The following PAPPA variants were observed in gnomAD, a reference collection of about 807,000 sequenced individuals.
The protein encoded by PAPPA is pappalysin-1.
In PAPPA, 60 loss-of-function variants were observed where a neutral mutation model predicts 164.0. That is an observed-to-expected ratio of 0.37 (90% confidence interval 0.30 to 0.45). The LOEUF (loss-of-function observed/expected upper bound fraction) is 0.45, where lower values mean the gene tolerates loss of function less well. Among genes scored for constraint, PAPPA ranks in the 20% least tolerant of loss-of-function variants. PAPPA has a pLI of 1.00. For missense variants in PAPPA, 1,782 were observed against 2,087.3 expected (o/e 0.85, Z 2.85); for synonymous variants, 875 against 814.1 (o/e 1.07, Z -1.27).
At chr9:116,396,354 A>G (rs1846962787) in intron 21 of PAPPA, among the ~76,000 whole-genome samples, 155 bp from the exon 22 acceptor site, 1 of 152,224 alleles carries the variant, frequency 6.6e-6, no homozygotes, top group Non-Finnish European at 1.5e-5. Context: ...GGTGTGCTCG[A>G]TAAAAGTTAT....
chr9:116,197,942 A>G (rs1844126743), intron 2 of PAPPA, among the ~76,000 whole-genome samples: 1 of 152,238 alleles, frequency 6.6e-6, no homozygotes, highest in African/African-American at 2.4e-5. Context: ...CTACATGGCT[A>G]AAGTCTAGAG....
intron 7 of PAPPA, among the ~76,000 whole-genome samples, chr9:116,254,918 T>C (rs1436724246): frequency 6.6e-6 from 1 of 151,940 alleles, no homozygotes; most frequent in East Asian, 1.9e-4. Flanking sequence ...TCTAATTTGC[T>C]ATAATAAGCA....
intron 1 of PAPPA, among the ~76,000 whole-genome samples, chr9:116,162,332 CAT>C (rs1451382092): frequency 1.3e-5 from 2 of 152,156 alleles, no homozygotes; most frequent in African/African-American, 4.8e-5. Context: ...TACACACACA[CAT>C]ACTCATATAC....
intron 10 of PAPPA, among the ~76,000 whole-genome samples, chr9:116,328,827 G>A (rs370194484): frequency 3.3e-5 from 5 of 152,200 alleles, no homozygotes; most frequent in South Asian, 4.2e-4. Flanking sequence ...CCCAACATTC[G>A]GATGTGCAAG....
At position 116,362,579 on chromosome 9, in the gene PAPPA, C is replaced by T. The variant is rs368193428; in HGVS notation, c.4348-13C>T. 3 of 1,611,118 alleles carry T rather than the reference C, an allele frequency of 1.9e-6. No homozygotes were observed. The highest frequency in any genetic ancestry group is 2.5e-6 in the Non-Finnish European group (3 of 1,178,558). ...GTCTCTCTTGGTCCTAACTCTGTTTCTCTGTTGTTCAGGGACTTGGGAGCA... is the reference window on the plus strand; with the variant it reads ...GTCTCTCTTGGTCCTAACTCTGTTTTTCTGTTGTTCAGGGACTTGGGAGCA... On this transcript the variant is annotated splice_polypyrimidine_tract_variant and intron_variant, in intron 17 of 21. Transcript: ENST00000328252.
At chr9:116,259,207 CA>C (rs1271679937) in intron 7 of PAPPA, among the ~76,000 whole-genome samples, 3 of 151,314 alleles carry the variant, frequency 2.0e-5, no homozygotes, top group Non-Finnish European at 4.4e-5. Context: ...ATATAGGTAA[CA>C]AACAAAACCT....
At chr9:116,362,500 G>T (rs1188502831) in intron 17 of PAPPA, 92 bp from the exon 18 acceptor site, 1 of 1,364,164 alleles carries the variant, frequency 7.3e-7, no homozygotes, top group Non-Finnish European at 1.0e-6. Context: ...GCTCTGGAGA[G>T]ATGAAAAATT....
intron 2 of PAPPA, among the ~76,000 whole-genome samples, chr9:116,190,392 A>G (rs758897902): frequency 6.6e-6 from 1 of 152,162 alleles, no homozygotes; most frequent in Admixed American, 6.5e-5. Context: ...AAGTGCCAGG[A>G]AAGTGGATAC....
At chr9:116,335,508 A>C (rs1454696270) in intron 13 of PAPPA, among the ~76,000 whole-genome samples, 1 of 152,130 alleles carries the variant, frequency 6.6e-6, no homozygotes. Flanking sequence ...TGGTATTTGC[A>C]TCATCCTAGT....
At chr9:116,198,125 A>G (rs376504546) in intron 2 of PAPPA, among the ~76,000 whole-genome samples, 2 of 152,204 alleles carry the variant, frequency 1.3e-5, no homozygotes, top group African/African-American at 2.4e-5. Context: ...TTATTTATCA[A>G]TTTGGTTTGA....
intron 10 of PAPPA, among the ~76,000 whole-genome samples, chr9:116,310,661 A>G (rs1457351973): frequency 6.6e-6 from 1 of 152,144 alleles, no homozygotes. Flanking sequence ...TCTTCTATTC[A>G]TCCTTTGGTC....
At position 116,200,032 on chromosome 9, in the gene PAPPA, C is replaced by T. The variant is rs191221149; in HGVS notation, c.1479-7424C>T. On this transcript the variant is annotated intron_variant, in intron 2 of 21. Transcript: ENST00000328252. ...CACAAACACCTTCCACTAGGCTCCA[C>T]CCCCAACATTGGGGATCACATTTCA... Among the ~76,000 whole-genome samples, 223 of 152,252 alleles carry T rather than the reference C, an allele frequency of 1.5e-3. 1 individual carries two copies. Among genetic ancestry groups the T allele is most frequent in the Middle Eastern group, 6.8e-3 (2 of 294 alleles).
chr9:116,209,107 G>A (rs3789289), intron 3 of PAPPA, among the ~76,000 whole-genome samples: 2,062 of 152,242 alleles, frequency 0.014, 47 homozygotes, highest in East Asian at 0.11. Context: ...GAGACATATG[G>A]TGTATGGGTA....
At chr9:116,213,526 C>G (rs1024311007) in intron 4 of PAPPA, among the ~76,000 whole-genome samples, 1 of 152,154 alleles carries the variant, frequency 6.6e-6, no homozygotes, top group Non-Finnish European at 1.5e-5. Context: ...TCATACAACA[C>G]TGCTAAAGTT....
intron 17 of PAPPA, among the ~76,000 whole-genome samples, chr9:116,360,352 G>T (rs1846409259): frequency 6.6e-6 from 1 of 152,194 alleles, no homozygotes; most frequent in Non-Finnish European, 1.5e-5. Context: ...AACTCTGCAA[G>T]CCGCCTTGCA....
intron 9 of PAPPA, among the ~76,000 whole-genome samples, chr9:116,276,066 A>ATAAC (rs915856436): frequency 2.0e-5 from 3 of 152,200 alleles, no homozygotes; most frequent in Admixed American, 2.0e-4. Context: ...TTTTAAAAAT[A>ATAAC]TAACATACAC....
rs767697294 is a variant in PAPPA, at chr9:116,352,806, A to T, written c.4065A>T (p.Ala1355=). 1.2e-6 allele frequency: 2 copies of T among 1,613,950 alleles called. No individual in the cohort carries two copies. Among genetic ancestry groups the T allele is most frequent in the Non-Finnish European group, 1.7e-6 (2 of 1,179,922 alleles). ...MCLAPPPVPN[A]DLQTARCREN... ...TCGCTCCACCCCCTGTGCCCAATGC[A>T]GACCTCCAGACCGCCCGGTGCCGAG... The change falls in exon 16 of 22, where the codon GCA becomes GCT. Residue 1355 remains alanine, a synonymous_variant. Coordinates refer to ENST00000328252, the MANE Select transcript of PAPPA (RefSeq NM_002581.5).
intron 12 of PAPPA, among the ~76,000 whole-genome samples, chr9:116,333,320 C>G (rs1388484102): frequency 1.3e-5 from 2 of 152,212 alleles, no homozygotes; most frequent in Non-Finnish European, 2.9e-5. Context: ...TTATTTGACA[C>G]TGTTGTAACC....
intron 19 of PAPPA, among the ~76,000 whole-genome samples, chr9:116,376,321 G>A (rs1846653294): frequency 1.3e-5 from 2 of 152,118 alleles, no homozygotes; most frequent in Admixed American, 6.5e-5. Flanking sequence ...GCCTGGCCAA[G>A]CTTCTAGAAT....
Sources: allele counts gnomAD v4.1 joint callset (sites outside exome capture counted in the v4.1 genomes callset), GRCh38; gene constraint gnomAD v4.1.1; transcripts MANE v1.5; gene names NCBI Gene and HGNC (gene_info 2026-07-23, HGNC 2026-07-21).